CACNA1D: variants seen among roughly 807,000 people sequenced by gnomAD.
CACNA1D encodes the protein calcium voltage-gated channel subunit alpha1 D.
CACNA1D carries 55 observed loss-of-function variants against 257.1 expected under a neutral mutation model. That is an observed-to-expected ratio of 0.21 (90% CI 0.17 to 0.27). The LOEUF is 0.27. CACNA1D is among the 10% of genes least tolerant of loss of function. CACNA1D has a pLI of 1.00. For missense variants in CACNA1D, 1,876 were observed against 2,784.0 expected (o/e 0.67, Z 7.34); for synonymous variants, 980 against 1,014.9 (o/e 0.97, Z 0.65).
intron 30 of CACNA1D, among the ~76,000 whole-genome samples, chr3:53,769,236 G>A (rs3774583): frequency 0.26 from 39,186 of 152,090 alleles, 5,236 homozygotes; most frequent in Middle Eastern, 0.32. Flanking sequence ...TCCTGGGGCC[G>A]AGGGACAGGA....
intron 8 of CACNA1D, among the ~76,000 whole-genome samples, chr3:53,689,560 T>C (rs1363397302): frequency 6.6e-6 from 1 of 152,028 alleles, no homozygotes; most frequent in African/African-American, 2.4e-5. Flanking sequence ...GGGAGTTTGT[T>C]GTGGCTCGTG....
At chr3:53,659,988 A>G (rs1194786989) in intron 4 of CACNA1D, 145 bp from the exon 5 acceptor site, 1 of 714,098 alleles carries the variant, frequency 1.4e-6, no homozygotes, top group Admixed American at 2.4e-5. Flanking sequence ...CCAATTCCAC[A>G]GCCCAGTTCT....
chr3:53,501,753 T>G (rs1166249803), intron 3 of CACNA1D, 33 bp downstream of exon 3: 1 of 1,188,596 alleles, frequency 8.4e-7, no homozygotes, highest in African/African-American at 1.5e-5. Flanking sequence ...CTGGTCCTGG[T>G]ATATGGTTAT....
intron 30 of CACNA1D, among the ~76,000 whole-genome samples, chr3:53,767,786 A>G (rs1011720094): frequency 8.5e-5 from 13 of 152,100 alleles, no homozygotes; most frequent in African/African-American, 3.1e-4. Flanking sequence ...TTAAATTTGT[A>G]AGATATTTTG....
chr3:53,545,079 A>C (rs1416385461), intron 3 of CACNA1D, among the ~76,000 whole-genome samples: 2 of 152,186 alleles, frequency 1.3e-5, no homozygotes, highest in Non-Finnish European at 2.9e-5. Context: ...CACAAAGAAA[A>C]CCATGCCATG....
intron 8 of CACNA1D, among the ~76,000 whole-genome samples, chr3:53,691,746 TATAATATATATTAC>T (rs1559522162): frequency 1.8e-5 from 2 of 111,028 alleles, no homozygotes; most frequent in Non-Finnish European, 3.4e-5. Flanking sequence ...ATATTACATA[TATAATATATATTAC>T]ATATAATATA....
At position 53,806,203 on chromosome 3, in the gene CACNA1D, C is replaced by T. The variant is rs2095565344; in HGVS notation, c.5749+1057C>T. On this transcript the variant is annotated intron_variant, in intron 45 of 47. Coordinates refer to ENST00000350061, the MANE Select transcript of CACNA1D (RefSeq NM_001128840.3). ...CCTCCTCCTCCCTCCTCCCTCCTCCCTCATCTTCCCTCCTCCCCCTTCCTC... is the reference window on the plus strand; with the variant it reads ...CCTCCTCCTCCCTCCTCCCTCCTCCTTCATCTTCCCTCCTCCCCCTTCCTC... 3.7e-5 allele frequency among the ~76,000 whole-genome samples: 3 copies of T among 81,392 alleles called. No individual in the cohort carries two copies. The Admixed American group carries it at 4.0e-4, about 11-fold the overall frequency. The allele number at this position is 81,392 out of a possible 152,430, so 53.4% of individuals were successfully genotyped here.
At chr3:53,796,246 C>G in intron 40 of CACNA1D, 1 of 443,734 alleles carries the variant, frequency 2.3e-6, no homozygotes, top group South Asian at 1.6e-5. Context: ...CAGGGCCAGC[C>G]TAGGCTGAGT....
chr3:53,717,913 C>T (rs552664043), intron 9 of CACNA1D, among the ~76,000 whole-genome samples: 1 of 152,162 alleles, frequency 6.6e-6, no homozygotes, highest in African/African-American at 2.4e-5. Flanking sequence ...CTATATGCAC[C>T]TTTTGGGGCA....
chr3:53,729,624 A>G (rs955055844), intron 15 of CACNA1D, among the ~76,000 whole-genome samples: 4 of 152,240 alleles, frequency 2.6e-5, no homozygotes, highest in Non-Finnish European at 5.9e-5. Flanking sequence ...AAACAAAAAC[A>G]TTCAAGAAAG....
At chr3:53,509,279 C>CTCTG (rs151285461) in intron 3 of CACNA1D, among the ~76,000 whole-genome samples, 6 of 149,868 alleles carry the variant, frequency 4.0e-5, no homozygotes, top group Admixed American at 6.6e-5. Context: ...ACAGCCCCCT[C>CTCTG]TGTGTGTGTG....
At chr3:53,790,845 T>C (rs1477714767) in intron 40 of CACNA1D, 5 of 639,460 alleles carry the variant, frequency 7.8e-6, no homozygotes, top group Non-Finnish European at 1.1e-5. Context: ...AGTGGAGTTT[T>C]GTTTTGTTAT....
rs370301596 is a variant in CACNA1D, at chr3:53,811,388, A to G, written c.6468A>G (p.Ile2156Met). ...AGGAGGACCTGGCGGATGAAATGAT[A>G]TGCATCACCACCTTGTAGCCCCCAG... ...RDEEDLADEM[I>M]CITTL Residue 2156 changes from isoleucine to methionine, a missense_variant, in exon 48 of 48, where the codon ATA becomes ATG. By Grantham distance (10) the Ile-to-Met change is conservative. This residue lies in a region of CACNA1D where 491 missense variants were observed against 554.3 expected (regional missense o/e 0.89). Transcript: ENST00000350061. This position sits in a 1 kb window ranked among gnomAD's most constrained non-coding sequence, Gnocchi z 4.2. 2.5e-6 allele frequency: 4 copies of G among 1,574,248 alleles called. No individual in the cohort carries two copies. The African/African-American group carries it at 4.1e-5, about 16-fold the overall frequency.
At chr3:53,499,181 C>T (rs947503856) in intron 2 of CACNA1D, among the ~76,000 whole-genome samples, 2 of 152,126 alleles carry the variant, frequency 1.3e-5, no homozygotes, top group Non-Finnish European at 2.9e-5. Flanking sequence ...TCCTGGATCA[C>T]GCTGCTGTCT....
At chr3:53,764,189 C>T (rs897149308) in intron 30 of CACNA1D, among the ~76,000 whole-genome samples, 7 of 152,178 alleles carry the variant, frequency 4.6e-5, no homozygotes, top group Admixed American at 1.3e-4. Flanking sequence ...ATAAAATTGC[C>T]ATTCAGATAT....
chr3:53,751,667 C>A lies in CACNA1D; in HGVS notation c.3517-82C>A. 2 of 1,422,812 alleles carry A rather than the reference C, an allele frequency of 1.4e-6. No homozygotes were observed. Among genetic ancestry groups the A allele is most frequent in the South Asian group, 1.1e-5 (1 of 87,168 alleles). 88.1% of individuals were successfully genotyped at this position (1,422,812 alleles called of 1,614,324 possible). A position where few individuals can be genotyped will look rare whatever the true frequency, so the allele number is the denominator to read the frequency against. ...CCCTTCCCGGGAGCTGTAGGGTGAG[C>A]TCTTTCAGAGCAGATGACCACGGGG... is the stretch of plus-strand genomic sequence containing the variant. On this transcript the variant is annotated intron_variant, in intron 27 of 47. Coordinates refer to ENST00000350061, the MANE Select transcript of CACNA1D (RefSeq NM_001128840.3). The surrounding 1 kb of genome is among the most constrained non-coding windows in gnomAD (Gnocchi z 4.3).
chr3:53,544,908 A>G (rs1395834516), intron 3 of CACNA1D, among the ~76,000 whole-genome samples: 11 of 152,202 alleles, frequency 7.2e-5, no homozygotes, highest in Admixed American at 7.2e-4. Flanking sequence ...ATAGGCTTAC[A>G]GGTGGTTGGG....
intron 19 of CACNA1D, among the ~76,000 whole-genome samples, chr3:53,733,972 ATG>A (rs914706104): frequency 5.1e-5 from 7 of 137,102 alleles, no homozygotes; most frequent in African/African-American, 2.0e-4. Flanking sequence ...ATGTATGTAT[ATG>A]TATATATATA....
chr3:53,505,706 G>A (rs1485190202), intron 3 of CACNA1D, among the ~76,000 whole-genome samples: 1 of 152,158 alleles, frequency 6.6e-6, no homozygotes, highest in African/African-American at 2.4e-5. Context: ...CTTAGGGTCT[G>A]CGGCCCTTCT....
Sources: gnomAD v4.1 joint callset for allele counts (sites outside exome capture counted in the v4.1 genomes callset) on GRCh38, gnomAD v4.1.1 for gene constraint, gnomAD v4.1.1 regional missense constraint, Gnocchi (gnomAD v3.1) non-coding constraint, MANE v1.5 for transcripts, NCBI Gene and HGNC (gene_info 2026-07-23, HGNC 2026-07-21) for gene names.